The following ST3GAL4 variants were observed in gnomAD, a reference collection of about 807,000 sequenced individuals.
ST3GAL4 encodes CMP-N-acetylneuraminate-beta-galactosamide-alpha-2,3-sialyltransferase 4.
In ST3GAL4, 24 loss-of-function variants were observed where a neutral mutation model predicts 42.6. The ratio of observed to expected loss-of-function variants is 0.56; its 90% CI spans 0.41 to 0.79. ST3GAL4 has a LOEUF of 0.79. Among genes scored for constraint, ST3GAL4 ranks in the 30% least tolerant of loss-of-function variants. ST3GAL4 has a pLI of 0.00. For missense variants in ST3GAL4, 311 were observed against 430.8 expected (o/e 0.72, Z 2.46); for synonymous variants, 135 against 163.2 (o/e 0.83, Z 1.32).
intron 1 of ST3GAL4, among the ~76,000 whole-genome samples, chr11:126,402,116 C>A (rs565827992): frequency 1.3e-5 from 2 of 149,120 alleles, no homozygotes; most frequent in African/African-American, 2.5e-5. Context: ...AGAGTCTAGA[C>A]GTAGACAGCA....
chr11:126,382,890 C>T (rs1379527359), intron 1 of ST3GAL4, among the ~76,000 whole-genome samples: 3 of 152,236 alleles, frequency 2.0e-5, no homozygotes, highest in Admixed American at 2.0e-4. Context: ...AGGGCTTGAG[C>T]CCAGAAAGTG....
In ST3GAL4 at chr11:126,376,745, A is replaced by C. The variant is rs1416018553; in HGVS notation, c.-61+20903A>C. ...CAAGCTGATAGTGTGACTAGATGAC[A>C]CAGTATTACTCTCTGTTACCACCAC... On this transcript the variant is annotated intron_variant, in intron 1 of 10. Coordinates refer to ENST00000444328, the MANE Select transcript of ST3GAL4 (RefSeq NM_001254757.2). This position sits in a 1 kb window ranked among gnomAD's most constrained non-coding sequence, Gnocchi z 5.1. 1 of 152,218 alleles carries C rather than the reference A, an allele frequency of 6.6e-6. No homozygotes were observed. The highest frequency in any genetic ancestry group is 1.5e-5 in the Non-Finnish European group (1 of 68,044). The allele number at this position is 152,218 out of a possible 1,614,324, so 9.4% of individuals were successfully genotyped here.
At chr11:126,369,135 C>T (rs1379648046) in intron 1 of ST3GAL4, among the ~76,000 whole-genome samples, 7 of 152,122 alleles carry the variant, frequency 4.6e-5, no homozygotes, top group Non-Finnish European at 7.4e-5. Flanking sequence ...ACAGGTGATG[C>T]GTGTTCTAGG....
rs1305796530 is a variant in ST3GAL4, at chr11:126,398,580, T to G, written c.-60-7516T>G. 6.6e-6 allele frequency among the ~76,000 whole-genome samples: 1 copy of G among 152,244 alleles called. No individual in the cohort carries two copies. The highest frequency in any genetic ancestry group is 1.5e-5 in the Non-Finnish European group (1 of 68,046). On this transcript the variant is annotated intron_variant, in intron 1 of 10. Transcript: ENST00000444328. The surrounding 1 kb of genome is among the most constrained non-coding windows in gnomAD (Gnocchi z 4.7). ...CCTTACTCCCACAGCTCCACTAGGC[T>G]TCCTGGGGACTCTCAGCAGCTCAGA...
At position 126,386,940 on chromosome 11, in the gene ST3GAL4, T is replaced by C. The variant is rs1953248517; in HGVS notation, c.-60-19156T>C. Among the ~76,000 whole-genome samples, 1 of 151,900 alleles carries C rather than the reference T, an allele frequency of 6.6e-6. No individual in the cohort carries two copies. Among genetic ancestry groups the C allele is most frequent in the Non-Finnish European group, 1.5e-5 (1 of 67,978 alleles). On this transcript the variant is annotated intron_variant, in intron 1 of 10. Transcript: ENST00000444328. The surrounding 1 kb of genome is among the most constrained non-coding windows in gnomAD (Gnocchi z 4.7). ...GCTGGAGAAGCCCTGCACCAGAGCA[T>C]ACAGTTTGGCAAGTAGGAGGAGGGC...
chr11:126,402,785 C>G (rs1954063282), intron 1 of ST3GAL4, among the ~76,000 whole-genome samples: 1 of 152,206 alleles, frequency 6.6e-6, no homozygotes, highest in Non-Finnish European at 1.5e-5. Context: ...ACCTTGTCCC[C>G]CAGTTCTGCC....
intron 1 of ST3GAL4, chr11:126,356,133 GCGCC>G (rs1952054074): frequency 6.6e-6 from 1 of 152,566 alleles, no homozygotes; most frequent in African/African-American, 2.4e-5. Context: ...CCCCAGCCCT[GCGCC>G]CGGACTGAAG....
At chr11:126,367,631 C>G (rs1952482755) in intron 1 of ST3GAL4, among the ~76,000 whole-genome samples, 1 of 152,190 alleles carries the variant, frequency 6.6e-6, no homozygotes, top group Admixed American at 6.5e-5. Context: ...TGAGGACTTG[C>G]TGCTGTTACC....
chr11:126,368,545 G>T (rs566893127), intron 1 of ST3GAL4, among the ~76,000 whole-genome samples: 1 of 152,204 alleles, frequency 6.6e-6, no homozygotes, highest in African/African-American at 2.4e-5. Flanking sequence ...TGTGACCTCC[G>T]TGGCTCTCCT....
chr11:126,362,498 G>A (rs1176527444), intron 1 of ST3GAL4, among the ~76,000 whole-genome samples: 1 of 152,122 alleles, frequency 6.6e-6, no homozygotes, highest in Non-Finnish European at 1.5e-5. Context: ...ACCGTGCTCC[G>A]CCTGGCCAAC....
At chr11:126,404,540 A>G (rs1954144328) in intron 1 of ST3GAL4, among the ~76,000 whole-genome samples, 1 of 152,236 alleles carries the variant, frequency 6.6e-6, no homozygotes, top group Non-Finnish European at 1.5e-5. Flanking sequence ...TATGAAGGCG[A>G]GGAGGGCCAT....
At chr11:126,404,055 T>A (rs1036316009) in intron 1 of ST3GAL4, among the ~76,000 whole-genome samples, 5 of 152,122 alleles carry the variant, frequency 3.3e-5, no homozygotes, top group Admixed American at 6.6e-5. Context: ...ATTTAAAAAA[T>A]TTTTTTTGTT....
intron 1 of ST3GAL4, among the ~76,000 whole-genome samples, chr11:126,372,447 G>C (rs557523015): frequency 1.6e-4 from 23 of 141,066 alleles, no homozygotes; most frequent in Non-Finnish European, 3.3e-4. Flanking sequence ...ACAGAGTTTC[G>C]CTCTTGCTGC....
intron 6 of ST3GAL4, 53 bp from the exon 7 acceptor site, chr11:126,408,046 C>G (rs569246972): frequency 6.3e-7 from 1 of 1,579,818 alleles, no homozygotes. Flanking sequence ...TCCAGGGCAG[C>G]GAGCCTGGGT....
chr11:126,392,374 C>G lies in ST3GAL4; in HGVS notation c.-60-13722C>G, dbSNP rs1212274246. The stretch of plus-strand genomic sequence containing the variant: ...GAGCTGGTAAGTGGTTAAGATCAGT[C>G]GGACATGACAACCTCCAGTTCTGCA... On this transcript the variant is annotated intron_variant, in intron 1 of 10. Coordinates refer to ENST00000444328, the MANE Select transcript of ST3GAL4 (RefSeq NM_001254757.2). This position sits in a 1 kb window ranked among gnomAD's most constrained non-coding sequence, Gnocchi z 5.8. 1.0e-6 allele frequency: 1 copy of G among 985,776 alleles called. No individual in the cohort carries two copies. Among genetic ancestry groups the G allele is most frequent in the Non-Finnish European group, 1.2e-6 (1 of 829,886 alleles). 61.1% of individuals were successfully genotyped at this position (985,776 alleles called of 1,614,324 possible). A position where few individuals can be genotyped will look rare whatever the true frequency, so the allele number is the denominator to read the frequency against.
chr11:126,402,451 G>GACAAA (rs1954046156), intron 1 of ST3GAL4, among the ~76,000 whole-genome samples: 1 of 100,990 alleles, frequency 9.9e-6, no homozygotes, highest in Non-Finnish European at 2.0e-5. Flanking sequence ...AAGACTGTCT[G>GACAAA]AAAAAAAAAA....
Position 126,410,385 on chromosome 11 carries a change from G to A in ST3GAL4, c.771+974G>A, listed in dbSNP as rs1954468517. ...CCTCGGGGAGGCCGTGTGGGATGGT[G>A]AGAGACAGGCACTAGCAGACACAGG... On this transcript the variant is annotated intron_variant, in intron 9 of 10. Transcript: ENST00000444328. The surrounding 1 kb of genome is among the most constrained non-coding windows in gnomAD (Gnocchi z 5.3). 6.6e-6 allele frequency among the ~76,000 whole-genome samples: 1 copy of A among 152,192 alleles called. No homozygotes were observed. Among genetic ancestry groups the A allele is most frequent in the Non-Finnish European group, 1.5e-5 (1 of 68,030 alleles).
At position 126,356,000 on chromosome 11, in the gene ST3GAL4, C is replaced by G. The variant is rs1446854792; in HGVS notation, c.-61+158C>G. The G allele has an allele frequency of 6.6e-6, 1 of 152,124 alleles. No homozygotes were observed. The highest frequency in any genetic ancestry group is 6.5e-5 in the Admixed American group (1 of 15,272). The allele number at this position is 152,124 out of a possible 1,614,324, so 9.4% of individuals were successfully genotyped here. A position where few individuals can be genotyped will look rare whatever the true frequency, so the allele number is the denominator to read the frequency against. On this transcript the variant is annotated intron_variant, in intron 1 of 10. Coordinates refer to ENST00000444328, the MANE Select transcript of ST3GAL4 (RefSeq NM_001254757.2). The surrounding 1 kb of genome is among the most constrained non-coding windows in gnomAD (Gnocchi z 7.1). ...GCGGGTCGGGGTGGGGCTGCCACAGCCCTGCGGAGCTGCTTTCCGGGGTCC... is the reference window on the plus strand; with the variant it reads ...GCGGGTCGGGGTGGGGCTGCCACAGGCCTGCGGAGCTGCTTTCCGGGGTCC...
chr11:126,403,878 G>C (rs1954114939), intron 1 of ST3GAL4, among the ~76,000 whole-genome samples: 1 of 152,150 alleles, frequency 6.6e-6, no homozygotes, highest in African/African-American at 2.4e-5. Flanking sequence ...GTCACGGCGT[G>C]CACATCGAGG....
Sources: gnomAD v4.1 joint callset for allele counts (sites outside exome capture counted in the v4.1 genomes callset) on GRCh38, gnomAD v4.1.1 for gene constraint, Gnocchi (gnomAD v3.1) non-coding constraint, MANE v1.5 for transcripts, NCBI Gene and HGNC (gene_info 2026-07-23, HGNC 2026-07-21) for gene names.